The following DCDC1 variants were observed in gnomAD, a reference collection of about 807,000 sequenced individuals.
DCDC1 encodes doublecortin domain-containing protein 1.
DCDC1 carries 200 observed loss-of-function variants against 178.3 expected under a neutral mutation model. That is an observed-to-expected ratio of 1.12 (90% CI 1.00 to 1.26). The LOEUF (loss-of-function observed/expected upper bound fraction) is 1.26. DCDC1 is among the 50% of genes most tolerant of loss of function. The pLI is 0.00. For synonymous variants in DCDC1, 690 were observed against 604.8 expected, an observed-to-expected ratio of 1.14 and a Z score of -2.07; for missense variants, 1,983 against 1,749.2, an observed-to-expected ratio of 1.13 and a Z score of -2.38.
At chr11:31,099,518 A>G (rs1388302995) in intron 15 of DCDC1, among the ~76,000 whole-genome samples, 2 of 152,300 alleles carry the variant, frequency 1.3e-5, no homozygotes, top group Non-Finnish European at 2.9e-5. Context: ...AATATGCTCA[A>G]ACTTGGAGCC....
chr11:31,134,858 TGGTGG>T (rs2135981213), intron 10 of DCDC1, among the ~76,000 whole-genome samples: 1 of 152,214 alleles, frequency 6.6e-6, no homozygotes, highest in South Asian at 2.1e-4. Context: ...GAGCTGGACA[TGGTGG>T]TATATGCCTA....
intron 9 of DCDC1, among the ~76,000 whole-genome samples, chr11:31,176,868 A>G (rs1968104451): frequency 6.6e-6 from 1 of 152,202 alleles, no homozygotes; most frequent in South Asian, 2.1e-4. Context: ...GGAATTCATC[A>G]CCATTAGGCT....
intron 1 of DCDC1, among the ~76,000 whole-genome samples, chr11:31,343,040 A>T (rs61879887): frequency 1.1e-4 from 16 of 151,932 alleles, no homozygotes; most frequent in Non-Finnish European, 1.9e-4. Flanking sequence ...CCAAGGTGGG[A>T]GGATCTCTTG....
At chr11:30,915,942 A>G (rs1314933976) in intron 26 of DCDC1, among the ~76,000 whole-genome samples, 1 of 152,248 alleles carries the variant, frequency 6.6e-6, no homozygotes, top group Non-Finnish European at 1.5e-5. Context: ...ATAAATGTTT[A>G]CCAGGAGAAT....
At chr11:31,094,423 C>CA (rs1197759448) in intron 15 of DCDC1, among the ~76,000 whole-genome samples, 1 of 152,032 alleles carries the variant, frequency 6.6e-6, no homozygotes, top group Non-Finnish European at 1.5e-5. Flanking sequence ...TTTCCTGACC[C>CA]AAAGAAACAT....
intron 18 of DCDC1, among the ~76,000 whole-genome samples, chr11:31,071,426 T>C (rs571849277): frequency 6.6e-6 from 1 of 152,276 alleles, no homozygotes; most frequent in East Asian, 1.9e-4. Flanking sequence ...ATAAGGAATA[T>C]GCATTTTTTA....
At chr11:31,092,890 T>C (rs997549650) in intron 16 of DCDC1, among the ~76,000 whole-genome samples, 3 of 152,192 alleles carry the variant, frequency 2.0e-5, no homozygotes, top group Non-Finnish European at 2.9e-5. Context: ...AGAGGAGTGT[T>C]TTATATCACA....
At chr11:31,069,394 T>G (rs761127330) in intron 18 of DCDC1, among the ~76,000 whole-genome samples, 1 of 152,214 alleles carries the variant, frequency 6.6e-6, no homozygotes, top group Non-Finnish European at 1.5e-5. Context: ...TGTTTTCTTA[T>G]GTCAGTTCTT....
chr11:30,943,149 C>A (rs1048724082), intron 21 of DCDC1: 1 of 152,068 alleles, frequency 6.6e-6, no homozygotes, highest in East Asian at 1.9e-4. Flanking sequence ...AGTCGGGAGA[C>A]CCTAGATGAG....
rs79197939 is a variant in DCDC1, at chr11:31,091,157, T to C, written c.2237+236A>G. On this transcript the variant is annotated intron_variant, in intron 17 of 38. Transcript: ENST00000684477. ...GTAAAGCAGCAGTTTGTCTACGACA[T>C]AGATACATGTTGAAGGCCAACATTT... Among the ~76,000 whole-genome samples, 35 of 152,322 alleles carry C rather than the reference T, an allele frequency of 2.3e-4. No homozygotes were observed. In the East Asian group the frequency reaches 6.6e-3, roughly 29 times the overall value.
At chr11:31,168,694 G>C (rs1377765728) in intron 9 of DCDC1, among the ~76,000 whole-genome samples, 1 of 152,156 alleles carries the variant, frequency 6.6e-6, no homozygotes, top group Non-Finnish European at 1.5e-5. Flanking sequence ...CTATAACTTA[G>C]TGGAATCTCT....
In DCDC1 at chr11:31,322,221, T is replaced by C. The variant is rs111931317; in HGVS notation, c.164+5896A>G. Among the ~76,000 whole-genome samples, 336 of 152,318 alleles carry C rather than the reference T, an allele frequency of 2.2e-3. 4 individuals are homozygous for C. Among genetic ancestry groups the C allele is most frequent in the African/African-American group, 7.6e-3 (317 of 41,556 alleles). On this transcript the variant is annotated intron_variant, in intron 3 of 38. Transcript: ENST00000684477. ...TCGATATGCAGGAATTATTCTTTGA[T>C]AATTATGACAGCGTGCAAAAATGTA...
intron 9 of DCDC1, among the ~76,000 whole-genome samples, chr11:31,164,902 G>A (rs972386764): frequency 2.8e-4 from 43 of 152,136 alleles, no homozygotes; most frequent in African/African-American, 9.9e-4. Flanking sequence ...AGCGCCATTC[G>A]TGGTAAGTGC....
intron 20 of DCDC1, among the ~76,000 whole-genome samples, chr11:31,032,443 G>A (rs1022649345): frequency 6.6e-6 from 1 of 151,940 alleles, no homozygotes; most frequent in African/African-American, 2.4e-5. Context: ...GAAGCCATAT[G>A]CATAATCGAG....
intron 12 of DCDC1, among the ~76,000 whole-genome samples, chr11:31,109,235 C>A (rs919104845): frequency 6.6e-6 from 1 of 151,670 alleles, no homozygotes; most frequent in African/African-American, 2.4e-5. Flanking sequence ...CCCCCCACCT[C>A]AGCCCCCGAG....
chr11:30,991,122 A>G (rs536590300), intron 20 of DCDC1, among the ~76,000 whole-genome samples: 66 of 152,292 alleles, frequency 4.3e-4, no homozygotes, highest in South Asian at 2.7e-3. Context: ...CCTGGTAACC[A>G]TGAGGAGGCT....
chr11:30,941,391 T>C (rs1157745402), intron 21 of DCDC1, among the ~76,000 whole-genome samples: 1 of 152,266 alleles, frequency 6.6e-6, no homozygotes, highest in Admixed American at 6.5e-5. Context: ...CCTCCTATTT[T>C]CTCTCTGACC....
chr11:30,879,123 C>T (rs1942409055), intron 37 of DCDC1, among the ~76,000 whole-genome samples: 6 of 152,030 alleles, frequency 3.9e-5, no homozygotes, highest in Admixed American at 3.3e-4. Flanking sequence ...TTGCAAAATC[C>T]AATTGATTTT....
At chr11:31,150,045 C>T (rs146806383) in intron 9 of DCDC1, among the ~76,000 whole-genome samples, 2 of 152,272 alleles carry the variant, frequency 1.3e-5, no homozygotes, top group Admixed American at 6.5e-5. Flanking sequence ...ACATTCCCAC[C>T]AGCAATTTAA....
Sources: gnomAD v4.1 joint callset for allele counts (sites outside exome capture counted in the v4.1 genomes callset) on GRCh38, gnomAD v4.1.1 for gene constraint, MANE v1.5 for transcripts, NCBI Gene and HGNC (gene_info 2026-07-23, HGNC 2026-07-21) for gene names.